PARD3B: variants seen among roughly 807,000 people sequenced by gnomAD.
PARD3B encodes par-3 family cell polarity regulator beta.
A neutral mutation model predicts 130.2 loss-of-function variants in PARD3B; 103 were observed. The observed-to-expected ratio is 0.79, with a 90% CI of 0.67 to 0.93. PARD3B has a LOEUF of 0.93. Ranked by LOEUF, PARD3B falls within the 40% of genes least tolerant of loss-of-function variation. PARD3B has a pLI of 0.00. For missense variants in PARD3B, 1,609 were observed against 1,499.2 expected (o/e 1.07, Z -1.21); for synonymous variants, 583 against 553.2 (o/e 1.05, Z -0.76).
At chr2:204,553,815 G>A (rs961856412) in intron 1 of PARD3B, among the ~76,000 whole-genome samples, 1 of 150,860 alleles carries the variant, frequency 6.6e-6, no homozygotes, top group Non-Finnish European at 1.5e-5. Context: ...CTCAGGAATG[G>A]AAACCCAAAC....
rs1702135275 is a variant in PARD3B, at chr2:205,091,920, G to T, written c.505-12506G>T. On this transcript the variant is annotated intron_variant, in intron 4 of 22. Transcript: ENST00000406610. The surrounding 1 kb of genome is among the most constrained non-coding windows in gnomAD (Gnocchi z 4.2). ...GACCCTCAATAAGGACTTGTGAACT[G>T]AATGATTCCTGTTTTGCTATGGGTT... Among the ~76,000 whole-genome samples, 2 of 152,216 alleles carry T rather than the reference G, an allele frequency of 1.3e-5. No homozygotes were observed. Among genetic ancestry groups the T allele is most frequent in the Middle Eastern group, 6.8e-3 (2 of 294 alleles).
intron 18 of PARD3B, among the ~76,000 whole-genome samples, chr2:205,390,735 A>G (rs956985036): frequency 1.3e-5 from 2 of 152,106 alleles, no homozygotes; most frequent in Middle Eastern, 3.4e-3. Context: ...AAAAAAAAAA[A>G]TCATTTCTTC....
intron 2 of PARD3B, among the ~76,000 whole-genome samples, chr2:204,781,358 A>G (rs543749912): frequency 6.6e-6 from 1 of 152,250 alleles, no homozygotes; most frequent in East Asian, 1.9e-4. Flanking sequence ...GTTCAACTTA[A>G]TTCTGTTTTT....
chr2:204,761,864 A>G (rs948613821), intron 2 of PARD3B, among the ~76,000 whole-genome samples: 2 of 152,058 alleles, frequency 1.3e-5, no homozygotes, highest in Non-Finnish European at 2.9e-5. Flanking sequence ...ACACAAATGT[A>G]GTCCGTGGTA....
intron 2 of PARD3B, among the ~76,000 whole-genome samples, chr2:204,857,106 A>T (rs1008821237): frequency 6.6e-6 from 1 of 152,156 alleles, no homozygotes; most frequent in African/African-American, 2.4e-5. Flanking sequence ...GTTATTGCTG[A>T]AGCCAGTGAA....
chr2:204,840,675 C>G (rs1186174128), intron 2 of PARD3B, among the ~76,000 whole-genome samples: 4 of 152,042 alleles, frequency 2.6e-5, no homozygotes, highest in Non-Finnish European at 5.9e-5. Context: ...TATCTAACCA[C>G]AATGATAAGT....
chr2:205,108,287 T>G (rs1703367394), intron 5 of PARD3B, among the ~76,000 whole-genome samples: 1 of 152,200 alleles, frequency 6.6e-6, no homozygotes, highest in African/African-American at 2.4e-5. Flanking sequence ...CATAAATATT[T>G]CTAAACCATA....
chr2:205,351,775 G>A lies in PARD3B; in HGVS notation c.2631-49238G>A, dbSNP rs1574779042. On this transcript the variant is annotated intron_variant, in intron 18 of 22. Coordinates refer to ENST00000406610, the MANE Select transcript of PARD3B (RefSeq NM_001302769.2). The surrounding 1 kb of genome is among the most constrained non-coding windows in gnomAD (Gnocchi z 4.2). ...GCTAGCCTATCACCAGATTATTAAA[G>A]TAAGTGTAATGTAGGGCAGAAACAA... Among the ~76,000 whole-genome samples the A allele has an allele frequency of 6.7e-6, 1 of 148,788 alleles. No individual in the cohort carries two copies.
Position 205,122,453 on chromosome 2 carries a change from TATA to T in PARD3B, c.1165+508_1165+510del, listed in dbSNP as rs1170904957. Among the ~76,000 whole-genome samples the T allele has an allele frequency of 5.3e-5, 8 of 152,206 alleles. No individual in the cohort carries two copies. The East Asian group carries it at 1.5e-3, about 29-fold the overall frequency. On this transcript the variant is annotated intron_variant, in intron 8 of 22. Transcript: ENST00000406610. The surrounding 1 kb of genome is among the most constrained non-coding windows in gnomAD (Gnocchi z 4.3). Reference sequence around the variant, plus strand: ...AAACATACCTAATTTCAAAAGCATGTATAATATTTTCTTTCTTCATCTTTTTCA... The same window carrying T: ...AAACATACCTAATTTCAAAAGCATGTATATTTTCTTTCTTCATCTTTTTCA...
intron 20 of PARD3B, among the ~76,000 whole-genome samples, chr2:205,488,445 G>T (rs1046024178): frequency 6.6e-6 from 1 of 152,102 alleles, no homozygotes; most frequent in Non-Finnish European, 1.5e-5. Flanking sequence ...TAAGCTCACC[G>T]GTTTCTAATA....
intron 1 of PARD3B, among the ~76,000 whole-genome samples, chr2:204,584,275 TTG>T (rs2032722217): frequency 1.3e-5 from 2 of 152,232 alleles, no homozygotes; most frequent in Non-Finnish European, 2.9e-5. Flanking sequence ...ATGGTATGAC[TTG>T]ACAGTCTAGC....
intron 18 of PARD3B, among the ~76,000 whole-genome samples, chr2:205,380,241 ATATTATATATAATATATAAAGAAT>A (rs2045278663): frequency 2.7e-5 from 2 of 73,886 alleles, no homozygotes; most frequent in African/African-American, 1.1e-4. Flanking sequence ...TAAAGAATAT[ATATTATATATAATATATAAAGAAT>A]ATATATTATA....
rs530520234 is a variant in PARD3B at position 205,550,125 on chromosome 2, T to C, written c.3181-3199T>C. 9.2e-5 allele frequency among the ~76,000 whole-genome samples: 14 copies of C among 152,280 alleles called. No homozygotes were observed. The South Asian group carries it at 2.3e-3, about 25-fold the overall frequency. ...GATATGCCTCCATGGTTTTTCACTTTTGTGCTCTTTACTTGAATGGCTTAT... is the reference window on the plus strand; with the variant it reads ...GATATGCCTCCATGGTTTTTCACTTCTGTGCTCTTTACTTGAATGGCTTAT... On this transcript the variant is annotated intron_variant, in intron 21 of 22. Coordinates refer to ENST00000406610, the MANE Select transcript of PARD3B (RefSeq NM_001302769.2). This position sits in a 1 kb window ranked among gnomAD's most constrained non-coding sequence, Gnocchi z 4.5.
Position 204,929,767 on chromosome 2 carries a change from G to GA in PARD3B, c.223-35374dup, listed in dbSNP as rs911284849. Among the ~76,000 whole-genome samples, 369 of 139,578 alleles carry GA rather than the reference G, an allele frequency of 2.6e-3. 1 individual carries two copies. Among genetic ancestry groups the GA allele is most frequent in the Non-Finnish European group, 4.3e-3 (272 of 63,542 alleles). 91.6% of individuals were successfully genotyped at this position (139,578 alleles called of 152,430 possible). On this transcript the variant is annotated intron_variant, in intron 2 of 22. Coordinates refer to ENST00000406610, the MANE Select transcript of PARD3B (RefSeq NM_001302769.2). ...CAAGAATCCTGGTAAAACAGAAAATGAAAAAAAAAAAGTGTTGTTTTAGAA... is the reference window on the plus strand; with the variant it reads ...CAAGAATCCTGGTAAAACAGAAAATGAAAAAAAAAAAAGTGTTGTTTTAGAA...
At chr2:205,539,568 C>T (rs971748409) in intron 21 of PARD3B, among the ~76,000 whole-genome samples, 1 of 152,196 alleles carries the variant, frequency 6.6e-6, no homozygotes, top group Non-Finnish European at 1.5e-5. Context: ...CAGTGCCTGC[C>T]AGACTGTTCA....
chr2:205,372,327 T>C (rs2044854153), intron 18 of PARD3B, among the ~76,000 whole-genome samples: 1 of 152,188 alleles, frequency 6.6e-6, no homozygotes, highest in Non-Finnish European at 1.5e-5. Context: ...TGTGTTCTTA[T>C]CTATCCTTGT....
intron 2 of PARD3B, among the ~76,000 whole-genome samples, chr2:204,712,667 T>A (rs2125302849): frequency 6.6e-6 from 1 of 151,900 alleles, no homozygotes; most frequent in South Asian, 2.1e-4. Context: ...TTTTCCTTTT[T>A]ATTAGCAATA....
rs879696857 is a variant in PARD3B at position 205,142,070 on chromosome 2, C to T, written c.1434+16333C>T. ...TGCCCTTAAAGTCCTTAAAGATGTA[C>T]ATAATAATAAATAACCATGATATAA... On this transcript the variant is annotated intron_variant, in intron 10 of 22. Transcript: ENST00000406610. This position sits in a 1 kb window ranked among gnomAD's most constrained non-coding sequence, Gnocchi z 4.3. Among the ~76,000 whole-genome samples the T allele has an allele frequency of 1.3e-5, 2 of 152,032 alleles. No individual in the cohort carries two copies. The highest frequency in any genetic ancestry group is 2.9e-5 in the Non-Finnish European group (2 of 68,016).
chr2:204,888,685 T>A (rs2046344336), intron 2 of PARD3B, among the ~76,000 whole-genome samples: 1 of 147,556 alleles, frequency 6.8e-6, no homozygotes, highest in Non-Finnish European at 1.5e-5. Context: ...TAACCAAGAT[T>A]GTGCCACTGT....
Sources: gnomAD v4.1 joint callset for allele counts (sites outside exome capture counted in the v4.1 genomes callset) on GRCh38, gnomAD v4.1.1 for gene constraint, Gnocchi (gnomAD v3.1) non-coding constraint, MANE v1.5 for transcripts, NCBI Gene and HGNC (gene_info 2026-07-23, HGNC 2026-07-21) for gene names.